Variants in PPP1R7 observed in about 807,000 individuals in gnomAD.
PPP1R7 encodes protein phosphatase 1 regulatory subunit 22.
A neutral mutation model predicts 45.2 loss-of-function variants in PPP1R7; 18 were observed. That is an observed-to-expected ratio of 0.40 (90% CI 0.28 to 0.59). The LOEUF (loss-of-function observed/expected upper bound fraction) is 0.59. Among genes scored for constraint, PPP1R7 ranks in the 20% least tolerant of loss-of-function variants. PPP1R7 has a pLI of 0.46. For synonymous variants in PPP1R7, 181 were observed against 183.4 expected, an observed-to-expected ratio of 0.99 and a Z score of 0.11; for missense variants, 314 against 455.8, an observed-to-expected ratio of 0.69 and a Z score of 2.83.
chr2:241,178,823 C>T (rs868396371), intron 9 of PPP1R7, among the ~76,000 whole-genome samples: 1 of 146,108 alleles, frequency 6.8e-6, no homozygotes, highest in African/African-American at 2.6e-5. Flanking sequence ...TCCCCACGGA[C>T]GGCTCTTGAT....
Position 241,182,942 on chromosome 2 carries a change from A to G in PPP1R7, c.*119A>G. On this transcript the variant is annotated 3_prime_UTR_variant, in exon 10 of 10. Transcript: ENST00000234038. ...ATCAACAGTCACAAACCCAATGGCA[A>G]TAAAGGCACTGACGATAGCTGGCGC... is the stretch of plus-strand genomic sequence containing the variant. 8.4e-7 allele frequency: 1 copy of G among 1,197,076 alleles called. No homozygotes were observed. Among genetic ancestry groups the G allele is most frequent in the East Asian group, 2.5e-5 (1 of 39,222 alleles). The allele number at this position is 1,197,076 out of a possible 1,614,324, so 74.2% of individuals were successfully genotyped here. A position where few individuals can be genotyped will look rare whatever the true frequency, so the allele number is the denominator to read the frequency against.
intron 9 of PPP1R7, among the ~76,000 whole-genome samples, chr2:241,176,029 C>T (rs998864522): frequency 6.6e-6 from 1 of 152,130 alleles, no homozygotes; most frequent in African/African-American, 2.4e-5. Context: ...CCGCCCACCT[C>T]GGCTTCCCAA....
At chr2:241,153,279 C>T (rs960015969) in intron 1 of PPP1R7, among the ~76,000 whole-genome samples, 197 bp from the exon 2 acceptor site, 3 of 152,226 alleles carry the variant, frequency 2.0e-5, no homozygotes, top group Non-Finnish European at 4.4e-5. Flanking sequence ...GTGGGCTCCA[C>T]ACTCTGCTCC....
intron 5 of PPP1R7, 120 bp from the exon 6 acceptor site, chr2:241,160,212 T>G (rs2125488830): frequency 2.2e-6 from 1 of 447,844 alleles, no homozygotes; most frequent in Non-Finnish European, 4.0e-6. Context: ...CCCCACCCTC[T>G]CCCACCCGGT....
intron 7 of PPP1R7, among the ~76,000 whole-genome samples, chr2:241,165,990 C>T (rs904914546): frequency 6.6e-6 from 1 of 151,458 alleles, no homozygotes; most frequent in Non-Finnish European, 1.5e-5. Context: ...GCAATCTCCG[C>T]CTCCCGGGTT....
chr2:241,159,163 T>C, intron 4 of PPP1R7, 50 bp from the exon 5 acceptor site: 1 of 1,598,366 alleles, frequency 6.3e-7, no homozygotes, highest in Non-Finnish European at 8.6e-7. Context: ...TGAGGCCTTC[T>C]CGTGGCCTCC....
chr2:241,181,581 A>G (rs4675986), intron 9 of PPP1R7, among the ~76,000 whole-genome samples: 119,790 of 151,986 alleles, frequency 0.79, 47,352 homozygotes, highest in East Asian at 0.91. Flanking sequence ...TGCAGAGCAG[A>G]GGTCCAGAAG....
chr2:241,158,523 G>A lies in PPP1R7; in HGVS notation c.277G>A (p.Gly93Arg), dbSNP rs1433356318. 2 of 1,614,094 alleles carry A rather than the reference G, an allele frequency of 1.2e-6. No individual in the cohort carries two copies. The highest frequency in any genetic ancestry group is 1.7e-6 in the Non-Finnish European group (2 of 1,179,922). The change falls in exon 4 of 10, where the codon GGA (glycine) becomes AGA (arginine). Residue 93 changes from glycine (G) to arginine (R), a missense_variant. By Grantham distance (125) the Gly-to-Arg change is moderately radical. This residue lies in a region of PPP1R7 where 112 missense variants were observed against 144.5 expected (regional missense o/e 0.78). Coordinates refer to ENST00000234038, the MANE Select transcript of PPP1R7 (RefSeq NM_002712.3). The part of the protein sequence containing the change: ...LNHYRIGKIE[G>R]FEVLKKVKTL... ...TCACTATCGCATAGGGAAGATTGAA[G>A]GATTTGAGGTACTGAAGAAAGTGAA...
rs1434971461 is a variant in PPP1R7, at chr2:241,166,415, G to A, written c.793G>A (p.Glu265Lys). ...GCTGTACCTTAGCCACAATGGCATCGAGGTCATCGAGGGCCTGGAGAACAA... is the reference window on the plus strand; with the variant it reads ...GCTGTACCTTAGCCACAATGGCATCAAGGTCATCGAGGGCCTGGAGAACAA... ...RELYLSHNGI[E>K]VIEGLENNNK... Residue 265 changes from glutamate (E) to lysine (K), a missense_variant, in exon 8 of 10, where the codon GAG (glutamate) becomes AAG (lysine). By Grantham distance (56) the Glu-to-Lys change is moderately conservative. This residue lies in a region of PPP1R7 where 168 missense variants were observed against 285.3 expected (regional missense o/e 0.59). Coordinates refer to ENST00000234038, the MANE Select transcript of PPP1R7 (RefSeq NM_002712.3). 3 of 1,613,704 alleles carry A rather than the reference G, an allele frequency of 1.9e-6. No homozygotes were observed. Among genetic ancestry groups the A allele is most frequent in the East Asian group, 2.2e-5 (1 of 44,886 alleles).
upstream of PPP1R7, chr2:241,150,393 C>T (rs932781162): frequency 1.4e-5 from 16 of 1,156,908 alleles, no homozygotes; most frequent in South Asian, 1.9e-5. Flanking sequence ...CGGCTGAAGT[C>T]GCCGCGCCGG....
chr2:241,165,117 T>G (rs2149060533), intron 7 of PPP1R7, among the ~76,000 whole-genome samples: 1 of 152,346 alleles, frequency 6.6e-6, no homozygotes, highest in South Asian at 2.1e-4. Flanking sequence ...ACTTTAAAAT[T>G]ATTAAATCAG....
At position 241,153,646 on chromosome 2, in the gene PPP1R7, G is replaced by A. The variant is rs374264284; in HGVS notation, c.181+42G>A. On this transcript the variant is annotated intron_variant, in intron 2 of 9. Coordinates refer to ENST00000234038, the MANE Select transcript of PPP1R7 (RefSeq NM_002712.3). Reference sequence around the variant, plus strand: ...CCTTGGGGACATCTGCTGGTTGGGGGATGTGGGCTGTGCTGCACGTGGTCT... The same window carrying A: ...CCTTGGGGACATCTGCTGGTTGGGGAATGTGGGCTGTGCTGCACGTGGTCT... 5.0e-6 allele frequency: 8 copies of A among 1,607,224 alleles called. No homozygotes were observed. The African/African-American group carries it at 1.1e-4, about 21-fold the overall frequency.
intron 6 of PPP1R7, 131 bp downstream of exon 6, chr2:241,160,625 C>A: frequency 1.2e-6 from 1 of 853,662 alleles, no homozygotes; most frequent in Non-Finnish European, 1.7e-6. Flanking sequence ...TTTTCATGAA[C>A]AAGGAAATTA....
At chr2:241,167,149 CAAAT>C in intron 8 of PPP1R7, 2 of 1,346,676 alleles carry the variant, frequency 1.5e-6, no homozygotes, top group East Asian at 2.4e-5. Flanking sequence ...GTGTTCAAGA[CAAAT>C]AAAAGACTTT....
In PPP1R7 at chr2:241,169,819, C is replaced by A. The variant is rs1198291636; in HGVS notation, c.858C>A (p.Ile286=). Residue 286 remains isoleucine, a synonymous_variant, in exon 9 of 10, where the codon ATC becomes ATA. Transcript: ENST00000234038. ...LTMLDIASNR[I]KKIENISHLT... The stretch of plus-strand genomic sequence containing the variant: ...TGTTGGACATTGCATCAAATAGAAT[C>A]AAAAAGATTGAAAATATCAGCCATC... 7 of 1,612,844 alleles carry A rather than the reference C, an allele frequency of 4.3e-6. No homozygotes were observed. The highest frequency in any genetic ancestry group is 3.3e-5 in the South Asian group (3 of 91,040).
At chr2:241,158,602 A>G in intron 4 of PPP1R7, 53 bp downstream of exon 4, 1 of 1,559,094 alleles carries the variant, frequency 6.4e-7, no homozygotes, top group Non-Finnish European at 8.8e-7. Flanking sequence ...GGATGTGGAT[A>G]AGTCCAGAAT....
rs369222535 is a variant in PPP1R7 at position 241,153,580 on chromosome 2, G to A, written c.157G>A (p.Glu53Lys). 9 of 1,614,110 alleles carry A rather than the reference G, an allele frequency of 5.6e-6. No individual in the cohort carries two copies. The highest frequency in any genetic ancestry group is 2.2e-5 in the South Asian group (2 of 91,084). Reference sequence around the variant, plus strand: ...TGAACAGAGCCTGAAGGATGGGGAGGAGCGGGGGGAGGAGGACCCAGAAGG... The same window carrying A: ...TGAACAGAGCCTGAAGGATGGGGAGAAGCGGGGGGAGGAGGACCCAGAAGG... ...LSEQSLKDGE[E>K]RGEEDPEEEH... The change falls in exon 2 of 10, where the codon GAG (glutamate) becomes AAG (lysine). Residue 53 changes from glutamate to lysine, a missense_variant. Glu to Lys is a moderately conservative substitution (Grantham distance 56). Transcript: ENST00000234038.
At chr2:241,157,665 G>A (rs1489601435) in intron 2 of PPP1R7, 142 bp from the exon 3 acceptor site, 3 of 723,608 alleles carry the variant, frequency 4.1e-6, no homozygotes, top group African/African-American at 3.5e-5. Flanking sequence ...CAGGTCCTCA[G>A]CAAACCTTCC....
intron 8 of PPP1R7, chr2:241,167,043 A>G: frequency 6.2e-7 from 1 of 1,611,830 alleles, no homozygotes; most frequent in Non-Finnish European, 8.5e-7. Flanking sequence ...CTTCTCACTC[A>G]GGTGCAGGAC....
Sources: allele counts gnomAD v4.1 joint callset (sites outside exome capture counted in the v4.1 genomes callset), GRCh38; gene constraint gnomAD v4.1.1; regional missense constraint gnomAD v4.1.1; transcripts MANE v1.5; gene names NCBI Gene and HGNC (gene_info 2026-07-23, HGNC 2026-07-21).